Variants in AVEN observed in about 807,000 individuals in gnomAD.
AVEN encodes apoptosis and caspase activation inhibitor.
AVEN carries 41 observed loss-of-function variants against 38.1 expected under a neutral mutation model. The ratio of observed to expected loss-of-function variants is 1.08; its 90% CI spans 0.84 to 1.40. AVEN has a LOEUF of 1.40. Ranked by LOEUF, AVEN falls within the 40% of genes most tolerant of loss-of-function variation. The pLI, the probability that AVEN is intolerant of heterozygous loss-of-function variation, is 0.00. For missense variants in AVEN, 605 were observed against 438.8 expected, an observed-to-expected ratio of 1.38 and a Z score of -3.38; for synonymous variants, 206 against 171.8, an observed-to-expected ratio of 1.20 and a Z score of -1.56.
chr15:33,875,343 T>C (rs1036361842), intron 3 of AVEN, among the ~76,000 whole-genome samples: 4 of 152,152 alleles, frequency 2.6e-5, no homozygotes, highest in Non-Finnish European at 5.9e-5. Context: ...TCATCTCTTA[T>C]ATGAAAAGAA....
At chr15:33,894,619 G>T (rs1367032965) in intron 2 of AVEN, among the ~76,000 whole-genome samples, 1 of 144,476 alleles carries the variant, frequency 6.9e-6, no homozygotes. Flanking sequence ...AGACTAACCT[G>T]GGCAACACGG....
intron 5 of AVEN, among the ~76,000 whole-genome samples, chr15:34,053,319 A>AAATATATAT (rs775436850): frequency 4.8e-5 from 2 of 42,068 alleles, no homozygotes; most frequent in African/African-American, 8.0e-5. Context: ...AAAAAAAAAA[A>AAATATATAT]ATATATATAT....
At chr15:33,937,402 A>C (rs564099310) in intron 2 of AVEN, among the ~76,000 whole-genome samples, 1 of 145,494 alleles carries the variant, frequency 6.9e-6, no homozygotes. Flanking sequence ...GCGTGGTGGC[A>C]GGCGCCTGTA....
At chr15:33,933,524 C>CACACACACACACAGAG (rs1893945145) in intron 2 of AVEN, among the ~76,000 whole-genome samples, 28 of 46,648 alleles carry the variant, frequency 6.0e-4, no homozygotes, top group Non-Finnish European at 9.8e-4. Flanking sequence ...CACACACACA[C>CACACACACACACAGAG]AGAGAGAGAG....
chr15:34,051,465 A>G (rs1271078813), intron 5 of AVEN, among the ~76,000 whole-genome samples: 1 of 152,258 alleles, frequency 6.6e-6, no homozygotes, highest in Non-Finnish European at 1.5e-5. Flanking sequence ...TTCCAAAGCT[A>G]GAAGATGACA....
intron 1 of AVEN, among the ~76,000 whole-genome samples, chr15:34,010,816 G>C (rs953324924): frequency 3.9e-5 from 6 of 152,140 alleles, no homozygotes; most frequent in Admixed American, 6.6e-5. Context: ...AATGTTTAAT[G>C]TTACTGAGCT....
At chr15:33,911,937 T>A (rs1892933246) in intron 2 of AVEN, among the ~76,000 whole-genome samples, 1 of 152,174 alleles carries the variant, frequency 6.6e-6, no homozygotes, top group Non-Finnish European at 1.5e-5. Flanking sequence ...TATTTTTATG[T>A]TGGATCTCCC....
At chr15:34,038,005 T>C (rs1446424276) in intron 1 of AVEN, among the ~76,000 whole-genome samples, 1 of 152,212 alleles carries the variant, frequency 6.6e-6, no homozygotes. Flanking sequence ...TGAGATATGG[T>C]TAGCTTTGCC....
intron 3 of AVEN, 31 bp from the exon 4 acceptor site, chr15:33,871,061 T>C: frequency 7.8e-7 from 1 of 1,285,932 alleles, no homozygotes; most frequent in Non-Finnish European, 1.0e-6. Context: ...AAATAAAATA[T>C]CAGGTGATGA....
downstream of AVEN, among the ~76,000 whole-genome samples, chr15:33,863,432 A>G (rs1341926588): frequency 6.7e-6 from 1 of 150,200 alleles, no homozygotes; most frequent in Non-Finnish European, 1.5e-5. Flanking sequence ...CCACCCTCAG[A>G]AGGACATAAT....
At chr15:34,069,530 T>TG (rs1197835485) in intron 2 of AVEN, among the ~76,000 whole-genome samples, 1 of 152,210 alleles carries the variant, frequency 6.6e-6, no homozygotes. Context: ...TAATTGTTTT[T>TG]GGGGGGCCAA....
At chr15:33,995,354 A>G (rs2140588613) in intron 2 of AVEN, among the ~76,000 whole-genome samples, 1 of 152,366 alleles carries the variant, frequency 6.6e-6, no homozygotes, top group South Asian at 2.1e-4. Flanking sequence ...AACTTTACAT[A>G]GCACTTACAT....
chr15:33,880,012 T>C (rs2153037568), intron 2 of AVEN, among the ~76,000 whole-genome samples: 1 of 152,302 alleles, frequency 6.6e-6, no homozygotes, highest in South Asian at 2.1e-4. Context: ...TTGTACTATA[T>C]GTGAATATAT....
At chr15:33,934,688 G>A (rs1893993339) in intron 2 of AVEN, among the ~76,000 whole-genome samples, 1 of 152,156 alleles carries the variant, frequency 6.6e-6, no homozygotes, top group Admixed American at 6.5e-5. Context: ...AAGCATTACA[G>A]AAACAATCTG....
chr15:33,903,324 A>G (rs1331566541), intron 2 of AVEN, among the ~76,000 whole-genome samples: 2 of 152,204 alleles, frequency 1.3e-5, no homozygotes, highest in African/African-American at 2.4e-5. Context: ...TGCAGTGCTC[A>G]TGTGTGCAGC....
intron 4 of AVEN, among the ~76,000 whole-genome samples, chr15:33,869,910 T>C (rs1171021579): frequency 1.3e-5 from 2 of 151,930 alleles, no homozygotes; most frequent in Non-Finnish European, 2.9e-5. Flanking sequence ...AGTTCATCAA[T>C]TATCACTTCA....
At chr15:33,954,313 A>T (rs900951377) in intron 2 of AVEN, among the ~76,000 whole-genome samples, 1 of 152,256 alleles carries the variant, frequency 6.6e-6, no homozygotes, top group Non-Finnish European at 1.5e-5. Flanking sequence ...TATATACCCA[A>T]AGGATTATAA....
downstream of AVEN, chr15:33,855,072 A>AT: frequency 3.5e-6 from 2 of 578,204 alleles, no homozygotes; most frequent in Non-Finnish European, 5.3e-6. Flanking sequence ...TTTTTGCAAA[A>AT]TTGTAGCCAA....
intron 1 of AVEN, among the ~76,000 whole-genome samples, chr15:34,011,648 A>T (rs1421659905): frequency 6.6e-6 from 1 of 152,180 alleles, no homozygotes; most frequent in East Asian, 1.9e-4. Flanking sequence ...TCCCACAACC[A>T]AGAAAATGGG....
Sources: gnomAD v4.1 joint callset for allele counts (sites outside exome capture counted in the v4.1 genomes callset) on GRCh38, gnomAD v4.1.1 for gene constraint, MANE v1.5 for transcripts, NCBI Gene and HGNC (gene_info 2026-07-23, HGNC 2026-07-21) for gene names.